VTI1A: variants seen among roughly 807,000 people sequenced by gnomAD.
VTI1A encodes the protein vesicle transport through interaction with t-SNAREs 1A.
A neutral mutation model predicts 34.9 loss-of-function variants in VTI1A; 22 were observed. That is an observed-to-expected ratio of 0.63 (90% CI 0.45 to 0.90). The LOEUF is 0.90. VTI1A is among the 40% of genes least tolerant of loss of function. VTI1A has a pLI of 0.00. For synonymous variants in VTI1A, 87 were observed against 97.3 expected (o/e 0.89, Z 0.62); for missense variants, 268 against 275.6 (o/e 0.97, Z 0.20).
intron 7 of VTI1A, among the ~76,000 whole-genome samples, chr10:112,710,484 G>A (rs1438104314): frequency 6.6e-6 from 1 of 152,178 alleles, no homozygotes; most frequent in Non-Finnish European, 1.5e-5. Context: ...TAGGATTACA[G>A]GTGTGAGCCA....
chr10:112,662,944 C>G (rs1346863722), intron 5 of VTI1A, among the ~76,000 whole-genome samples: 1 of 148,494 alleles, frequency 6.7e-6, no homozygotes, highest in African/African-American at 2.6e-5. Flanking sequence ...AACAAACAAA[C>G]AAACAAAACA....
At chr10:112,714,924 C>T (rs1368619660) in intron 7 of VTI1A, among the ~76,000 whole-genome samples, 2 of 152,208 alleles carry the variant, frequency 1.3e-5, no homozygotes, top group Admixed American at 6.5e-5. Context: ...GTTCATGGTT[C>T]TCTTAGAATT....
chr10:112,792,223 C>T lies in VTI1A; in HGVS notation c.561-23067C>T, dbSNP rs1053502585. ...CCGGGAGGCAGAGGTTGCAGTGAGC[C>T]GAGATTGTACCACTATACTCCAGCC... On this transcript the variant is annotated intron_variant, in intron 7 of 7. Coordinates refer to ENST00000393077, the MANE Select transcript of VTI1A (RefSeq NM_145206.4). Among the ~76,000 whole-genome samples the T allele has an allele frequency of 8.5e-5, 13 of 152,180 alleles. No individual in the cohort carries two copies. The East Asian group carries it at 2.5e-3, about 29-fold the overall frequency.
chr10:112,464,849 A>G, intron 3 of VTI1A, 192 bp downstream of exon 3: 1 of 594,548 alleles, frequency 1.7e-6, no homozygotes. Flanking sequence ...GGTATGTTGG[A>G]TTAATGATTC....
At chr10:112,821,265 C>A (rs1176991307), downstream of VTI1A, among the ~76,000 whole-genome samples, 1 of 152,160 alleles carries the variant, frequency 6.6e-6, no homozygotes, top group Admixed American at 6.5e-5. Flanking sequence ...CCCGGCTCCG[C>A]CGAGAGCTGC....
At chr10:112,455,172 T>TTCC (rs1847402127) in intron 1 of VTI1A, among the ~76,000 whole-genome samples, 1 of 892 alleles carries the variant, frequency 1.1e-3, no homozygotes, top group African/African-American at 5.0e-3. Context: ...CCTCCCCTCC[T>TTCC]CCCCTCCCCT....
At chr10:112,808,361 C>G (rs1053142417) in intron 7 of VTI1A, among the ~76,000 whole-genome samples, 5 of 152,182 alleles carry the variant, frequency 3.3e-5, no homozygotes, top group African/African-American at 1.2e-4. Flanking sequence ...TGCAGTGCCT[C>G]ATGCCTGTAA....
intron 7 of VTI1A, among the ~76,000 whole-genome samples, chr10:112,733,362 C>G (rs781082946): frequency 2.0e-5 from 3 of 152,260 alleles, no homozygotes; most frequent in Non-Finnish European, 4.4e-5. Context: ...CAAAAGGCAA[C>G]CCCATGCCCA....
chr10:112,663,193 C>T (rs1847524578), intron 5 of VTI1A, among the ~76,000 whole-genome samples: 1 of 152,130 alleles, frequency 6.6e-6, no homozygotes, highest in Admixed American at 6.5e-5. Context: ...CATCTAGATT[C>T]CGTTCTGTTT....
intron 7 of VTI1A, among the ~76,000 whole-genome samples, chr10:112,680,834 C>T (rs1848186742): frequency 6.6e-6 from 1 of 152,144 alleles, no homozygotes; most frequent in South Asian, 2.1e-4. Context: ...CCACATATGG[C>T]ATTATGCCTC....
chr10:112,646,735 T>C (rs1184920305), intron 5 of VTI1A, among the ~76,000 whole-genome samples: 1 of 152,064 alleles, frequency 6.6e-6, no homozygotes, highest in Non-Finnish European at 1.5e-5. Flanking sequence ...GATCTCGAAC[T>C]CGTGACCTCA....
intron 5 of VTI1A, among the ~76,000 whole-genome samples, chr10:112,590,667 G>C (rs1038598553): frequency 2.0e-5 from 3 of 152,104 alleles, no homozygotes; most frequent in African/African-American, 7.2e-5. Context: ...GGGTGACAGA[G>C]CGAGACCCTG....
At chr10:112,718,128 G>A (rs946221243) in intron 7 of VTI1A, among the ~76,000 whole-genome samples, 1 of 152,132 alleles carries the variant, frequency 6.6e-6, no homozygotes, top group Non-Finnish European at 1.5e-5. Flanking sequence ...CATCTTCTAG[G>A]AATTTGCACT....
chr10:112,654,098 C>T (rs1847137911), intron 5 of VTI1A, among the ~76,000 whole-genome samples: 2 of 152,094 alleles, frequency 1.3e-5, no homozygotes, highest in African/African-American at 4.8e-5. Flanking sequence ...GAAAAGCAAA[C>T]AATAATAAAC....
chr10:112,829,137 A>G, the VTI1A span, among the ~76,000 whole-genome samples: 2 of 152,076 alleles, frequency 1.3e-5, no homozygotes, highest in Admixed American at 1.3e-4. Context: ...CATTTGAAAC[A>G]TTGATTTTTA....
rs118149066 is a variant in VTI1A at position 112,569,487 on chromosome 10, C to G, written c.427+31157C>G. On this transcript the variant is annotated intron_variant, in intron 5 of 7. Transcript: ENST00000393077. The stretch of plus-strand genomic sequence containing the variant: ...TTGACTTCTAGTCTAGAAAACAGAA[C>G]TGAAAGTTGAATTGGAACATCTCTT... Among the ~76,000 whole-genome samples, 26 of 152,236 alleles carry G rather than the reference C, an allele frequency of 1.7e-4. No individual in the cohort carries two copies. In the East Asian group the frequency reaches 4.4e-3, roughly 26 times the overall value.
At chr10:112,618,290 G>A (rs1359205778) in intron 5 of VTI1A, among the ~76,000 whole-genome samples, 1 of 151,424 alleles carries the variant, frequency 6.6e-6, no homozygotes, top group East Asian at 1.9e-4. Flanking sequence ...TGGTGAAAAT[G>A]AAATGAGATA....
At chr10:112,682,772 T>C (rs547329386) in intron 7 of VTI1A, among the ~76,000 whole-genome samples, 68 of 152,290 alleles carry the variant, frequency 4.5e-4, no homozygotes, top group Admixed American at 9.8e-4. Flanking sequence ...CAAGCTATCA[T>C]GGCCATCAGA....
At chr10:112,532,491 T>C (rs1489986468) in intron 4 of VTI1A, among the ~76,000 whole-genome samples, 1 of 152,148 alleles carries the variant, frequency 6.6e-6, no homozygotes, top group East Asian at 1.9e-4. Context: ...TCATCTCACT[T>C]ATACAGTGAT....
Sources: allele counts gnomAD v4.1 joint callset (sites outside exome capture counted in the v4.1 genomes callset), GRCh38; gene constraint gnomAD v4.1.1; transcripts MANE v1.5; gene names NCBI Gene and HGNC (gene_info 2026-07-23, HGNC 2026-07-21).